DIS3L2: variants seen among roughly 807,000 people sequenced by gnomAD.
DIS3L2 encodes the protein DIS3-like exonuclease 2.
A neutral mutation model predicts 97.5 loss-of-function variants in DIS3L2; 34 were observed. The observed-to-expected ratio is 0.35, with a 90% CI of 0.27 to 0.46. DIS3L2 has a LOEUF of 0.46. Among genes scored for constraint, DIS3L2 ranks in the 20% least tolerant of loss-of-function variants. The pLI is 1.00. For synonymous variants in DIS3L2, 435 were observed against 445.2 expected (o/e 0.98, Z 0.29); for missense variants, 1,038 against 1,146.0 (o/e 0.91, Z 1.36).
At chr2:232,257,172 C>T (rs552273737) in intron 12 of DIS3L2, among the ~76,000 whole-genome samples, 1 of 152,300 alleles carries the variant, frequency 6.6e-6, no homozygotes, top group South Asian at 2.1e-4. Flanking sequence ...TTCGTCTCTC[C>T]CTTTTTCAGG....
At chr2:232,229,337 T>G (rs1692730475) in intron 10 of DIS3L2, among the ~76,000 whole-genome samples, 1 of 152,198 alleles carries the variant, frequency 6.6e-6, no homozygotes, top group African/African-American at 2.4e-5. Context: ...CCCTTATTAC[T>G]TTGACCTGCT....
At chr2:232,238,364 C>T (rs182512737) in intron 10 of DIS3L2, among the ~76,000 whole-genome samples, 169 bp from the exon 11 acceptor site, 35 of 152,174 alleles carry the variant, frequency 2.3e-4, no homozygotes, top group Admixed American at 2.6e-4. Context: ...GACAGTAGTG[C>T]GGGTCACAGA....
At position 232,097,943 on chromosome 2, in the gene DIS3L2, G is replaced by A. The variant is rs150445464; in HGVS notation, c.601+10222G>A. ...GTATCACGGCTGGTTATTCAGGATC[G>A]GATGGCTCTTTAATTCAGCAGGTGA... On this transcript the variant is annotated intron_variant, in intron 6 of 20. Coordinates refer to ENST00000325385, the MANE Select transcript of DIS3L2 (RefSeq NM_152383.5). Among the ~76,000 whole-genome samples the A allele has an allele frequency of 4.0e-4, 61 of 152,222 alleles. 1 individual carries two copies. The highest frequency in any genetic ancestry group is 1.4e-3 in the African/African-American group (58 of 41,528).
intron 14 of DIS3L2, chr2:232,307,757 A>G (rs1240248893): frequency 6.6e-6 from 1 of 152,242 alleles, no homozygotes; most frequent in African/African-American, 2.4e-5. Flanking sequence ...GGATATTCAC[A>G]ATAAAAAATA....
At chr2:232,155,180 G>GGAGCTGTAGACCGGAGC (rs144535494) in intron 8 of DIS3L2, among the ~76,000 whole-genome samples, 6,518 of 149,942 alleles carry the variant, frequency 0.043, 467 homozygotes, top group African/African-American at 0.15. Context: ...GCTCACGCTG[G>GGAGCTGTAGACCGGAGC]GAGCTGTAGA....
At chr2:232,187,260 T>G (rs550555278) in intron 9 of DIS3L2, among the ~76,000 whole-genome samples, 1 of 152,182 alleles carries the variant, frequency 6.6e-6, no homozygotes, top group East Asian at 1.9e-4. Context: ...AGATAACAAG[T>G]GTTGGTGAGG....
At chr2:232,239,470 C>A (rs16828710) in intron 11 of DIS3L2, among the ~76,000 whole-genome samples, 2 of 152,310 alleles carry the variant, frequency 1.3e-5, no homozygotes, top group East Asian at 1.9e-4. Flanking sequence ...TCTTCTTTCC[C>A]TTCTCTGATC....
intron 1 of DIS3L2, among the ~76,000 whole-genome samples, chr2:231,966,192 A>T (rs1692708839): frequency 6.8e-6 from 1 of 147,654 alleles, no homozygotes; most frequent in South Asian, 2.1e-4. Context: ...TTTTTGAGAC[A>T]GAGACTTACT....
intron 8 of DIS3L2, among the ~76,000 whole-genome samples, chr2:232,162,432 T>C (rs769142582): frequency 6.6e-6 from 1 of 152,220 alleles, no homozygotes; most frequent in Non-Finnish European, 1.5e-5. Flanking sequence ...TTGTTAAAAG[T>C]CTGCTTATGA....
intron 9 of DIS3L2, among the ~76,000 whole-genome samples, chr2:232,173,667 A>T (rs1691058781): frequency 6.6e-6 from 1 of 152,214 alleles, no homozygotes; most frequent in Admixed American, 6.5e-5. Flanking sequence ...TTGTTTCAGC[A>T]CCATAAGAAA....
chr2:232,270,449 T>C (rs1693957783), intron 13 of DIS3L2, among the ~76,000 whole-genome samples: 1 of 152,206 alleles, frequency 6.6e-6, no homozygotes. Context: ...GAGTTTTTCC[T>C]ATGTCATTAA....
rs545196293 is a variant in DIS3L2, at chr2:232,175,345, A to G, written c.1124+11713A>G. Among the ~76,000 whole-genome samples the G allele has an allele frequency of 2.6e-5, 4 of 152,286 alleles. No homozygotes were observed. The South Asian group carries it at 8.3e-4, about 32-fold the overall frequency. The stretch of plus-strand genomic sequence containing the variant: ...ATTGACTATCATATGTTGAGCCATC[A>G]CATTCCTGGGATAAATTTCACCCTT... On this transcript the variant is annotated intron_variant, in intron 9 of 20. Transcript: ENST00000325385.
intron 11 of DIS3L2, among the ~76,000 whole-genome samples, chr2:232,246,850 A>T (rs1031536927): frequency 6.6e-6 from 1 of 152,310 alleles, no homozygotes; most frequent in African/African-American, 2.4e-5. Context: ...TAAATGTGTA[A>T]CACACACCAA....
intron 8 of DIS3L2, among the ~76,000 whole-genome samples, chr2:232,159,105 A>G (rs1690578927): frequency 6.6e-6 from 1 of 152,224 alleles, no homozygotes; most frequent in African/African-American, 2.4e-5. Context: ...GTTACAAGCA[A>G]GAAAAACCAA....
At chr2:231,980,122 G>A (rs1395368194) in intron 1 of DIS3L2, among the ~76,000 whole-genome samples, 4 of 151,972 alleles carry the variant, frequency 2.6e-5, no homozygotes, top group South Asian at 2.1e-4. Flanking sequence ...GTCTTTTCTC[G>A]TTACTCTTTT....
At chr2:232,010,786 C>T (rs889961061) in intron 1 of DIS3L2, among the ~76,000 whole-genome samples, 71 of 152,336 alleles carry the variant, frequency 4.7e-4, no homozygotes, top group African/African-American at 1.7e-3. Context: ...ACTCATAGAA[C>T]TTTGCGTTTT....
intron 9 of DIS3L2, among the ~76,000 whole-genome samples, chr2:232,176,646 T>C (rs1691165185): frequency 1.3e-5 from 2 of 151,908 alleles, no homozygotes; most frequent in South Asian, 4.2e-4. Flanking sequence ...TGGAGTGCAG[T>C]TGTGCAATCT....
chr2:232,014,972 C>T lies in DIS3L2; in HGVS notation c.45C>T (p.Thr15=). The change falls in exon 2 of 21, where the codon ACC becomes ACT. Residue 15 remains threonine (T), a synonymous_variant. Transcript: ENST00000325385. The stretch of plus-strand genomic sequence containing the variant: ...GAATGAACCTCCGGCCCCTGGGGAC[C>T]CCCAGAGGTAGTAAAAGGAAAATGG... ...DYRMNLRPLG[T]PRGVSAVAGP... is the part of the protein sequence containing the mutation. 6.2e-7 allele frequency: 1 copy of T among 1,613,818 alleles called. No individual in the cohort carries two copies. The highest frequency in any genetic ancestry group is 8.5e-7 in the Non-Finnish European group (1 of 1,179,906).
chr2:232,276,978 G>A lies in DIS3L2; in HGVS notation c.1659+13538G>A, dbSNP rs1017738933. Among the ~76,000 whole-genome samples, 2 of 152,236 alleles carry A rather than the reference G, an allele frequency of 1.3e-5. No individual in the cohort carries two copies. Among genetic ancestry groups the A allele is most frequent in the African/African-American group, 4.8e-5 (2 of 41,472 alleles). ...CTACTTTAACACAGAGGTGAACTTG[G>A]AAGGACTACAGTAAACGATGGTGGC... On this transcript the variant is annotated intron_variant, in intron 13 of 20. Transcript: ENST00000325385. This position sits in a 1 kb window ranked among gnomAD's most constrained non-coding sequence, Gnocchi z 4.4.
Sources: allele counts gnomAD v4.1 joint callset (sites outside exome capture counted in the v4.1 genomes callset), GRCh38; gene constraint gnomAD v4.1.1; non-coding constraint Gnocchi (gnomAD v3.1); transcripts MANE v1.5; gene names NCBI Gene and HGNC (gene_info 2026-07-23, HGNC 2026-07-21).